ACAN: variants seen among roughly 807,000 people sequenced by gnomAD.
The protein encoded by ACAN is aggrecan, also known as aggrecan core protein.
ACAN carries 47 observed loss-of-function variants against 169.1 expected under a neutral mutation model. That is an observed-to-expected ratio of 0.28 (90% CI 0.22 to 0.35). The LOEUF is 0.35. ACAN is among the 10% of genes least tolerant of loss of function. The pLI, the probability that ACAN is intolerant of heterozygous loss-of-function variation, is 1.00. For synonymous variants in ACAN, 1,115 were observed against 1,112.2 expected (o/e 1.00, Z -0.05); for missense variants, 2,716 against 2,759.9 (o/e 0.98, Z 0.36).
At chr15:88,865,838 C>G (rs1052803413) in intron 13 of ACAN, among the ~76,000 whole-genome samples, 1 of 152,230 alleles carries the variant, frequency 6.6e-6, no homozygotes, top group Admixed American at 6.5e-5. Flanking sequence ...GATGAGACAG[C>G]ACAGGCCAAA....
Position 88,843,510 on chromosome 15 carries a change from C to A in ACAN, c.913C>A (p.Arg305Ser), listed in dbSNP as rs372895171. 3 of 1,612,440 alleles carry A rather than the reference C, an allele frequency of 1.9e-6. No individual in the cohort carries two copies. The highest frequency in any genetic ancestry group is 1.3e-5 in the African/African-American group (1 of 75,048). ...GTGCAGCGCCGGCTGGCTGGCCGAC[C>A]GCAGCGTGCGCTACCCCATCTCCAA... ...DMCSAGWLAD[R>S]SVRYPISKAR... The change falls in exon 6 of 19, where the codon CGC (arginine) becomes AGC (serine). Residue 305 changes from arginine (R) to serine (S), a missense_variant. Arg to Ser is a moderately radical substitution (Grantham distance 110). This residue lies in a region of ACAN where 1,283 missense variants were observed against 1,281.5 expected (regional missense o/e 1.00). Coordinates refer to ENST00000560601, the MANE Select transcript of ACAN (RefSeq NM_001369268.1). The surrounding 1 kb of genome is among the most constrained non-coding windows in gnomAD (Gnocchi z 4.0).
At chr15:88,806,437 C>T (rs1242617058) in intron 1 of ACAN, among the ~76,000 whole-genome samples, 1 of 151,880 alleles carries the variant, frequency 6.6e-6, no homozygotes, top group Non-Finnish European at 1.5e-5. Context: ...CTGCAACCTC[C>T]GCCTCCCAGG....
intron 13 of ACAN, 72 bp downstream of exon 13, chr15:88,860,511 C>T (rs1897173887): frequency 7.1e-7 from 1 of 1,401,398 alleles, no homozygotes; most frequent in Non-Finnish European, 9.9e-7. Context: ...CCAAAGGGTC[C>T]CCAGGTGGGA....
In ACAN at chr15:88,872,652, A is replaced by T. The variant is rs904641114; in HGVS notation, c.7303-229A>T. ...TGGGGGTTCTGAGCTCCTGAGAAGG[A>T]CCTGAGCCAAGCTGTGTGACTGATT... On this transcript the variant is annotated intron_variant, in intron 16 of 18. Coordinates refer to ENST00000560601, the MANE Select transcript of ACAN (RefSeq NM_001369268.1). The surrounding 1 kb of genome is among the most constrained non-coding windows in gnomAD (Gnocchi z 5.4). Among the ~76,000 whole-genome samples the T allele has an allele frequency of 2.7e-4, 41 of 152,064 alleles. No homozygotes were observed. The highest frequency in any genetic ancestry group is 9.9e-4 in the African/African-American group (41 of 41,406).
At chr15:88,823,227 C>T (rs1362650465) in intron 1 of ACAN, among the ~76,000 whole-genome samples, 1 of 152,194 alleles carries the variant, frequency 6.6e-6, no homozygotes, top group South Asian at 2.1e-4. Context: ...AAGATCCCTG[C>T]CCAGGAAAGG....
intron 11 of ACAN, among the ~76,000 whole-genome samples, chr15:88,853,736 TGATA>T (rs757862774): frequency 0.04 from 5,683 of 141,680 alleles, 199 homozygotes; most frequent in African/African-American, 0.096. Flanking sequence ...AATAGATAGA[TGATA>T]GATAGATAGA....
intron 1 of ACAN, among the ~76,000 whole-genome samples, chr15:88,806,113 A>T (rs1226694749): frequency 6.6e-6 from 1 of 152,190 alleles, no homozygotes; most frequent in East Asian, 1.9e-4. Context: ...AGCCTCCCAG[A>T]GGCTTCATTT....
chr15:88,813,934 C>T (rs1895879966), intron 1 of ACAN, among the ~76,000 whole-genome samples: 1 of 152,230 alleles, frequency 6.6e-6, no homozygotes, highest in Admixed American at 6.5e-5. Context: ...CCCTCCAGCT[C>T]CCTCTGGTCT....
chr15:88,874,118 C>A lies in ACAN; in HGVS notation c.7630+94C>A. 6.6e-7 allele frequency: 1 copy of A among 1,515,536 alleles called. No individual in the cohort carries two copies. Among genetic ancestry groups the A allele is most frequent in the Non-Finnish European group, 8.9e-7 (1 of 1,120,860 alleles). 93.9% of individuals were successfully genotyped at this position (1,515,536 alleles called of 1,614,324 possible). A position where few individuals can be genotyped will look rare whatever the true frequency, so the allele number is the denominator to read the frequency against. ...CCCTCTCCTGGGGACCCTACACCGT[C>A]CACAGGGTTGAGCAAGGGAAGGGAG... is the stretch of plus-strand genomic sequence containing the variant. On this transcript the variant is annotated intron_variant, in intron 18 of 18. Transcript: ENST00000560601. This position sits in a 1 kb window ranked among gnomAD's most constrained non-coding sequence, Gnocchi z 7.3.
rs371404599 is a variant in ACAN, at chr15:88,841,827, C to T, written c.717C>T (p.Asn239=). ...GVRTYGIRDT[N]ETYDVYCFAE... is the part of the protein sequence containing the mutation. ...GGACGTATGGCATCCGAGACACCAA[C>T]GAGACCTATGATGTGTACTGCTTCG... The change falls in exon 5 of 19, where the codon AAC becomes AAT. Residue 239 remains asparagine (N), a synonymous_variant. Transcript: ENST00000560601. The T allele has an allele frequency of 2.9e-5, 47 of 1,613,364 alleles. No homozygotes were observed. The highest frequency in any genetic ancestry group is 1.6e-4 in the Middle Eastern group (1 of 6,084).
chr15:88,848,146 T>C (rs1461013032), intron 9 of ACAN, 108 bp downstream of exon 9: 3 of 1,463,472 alleles, frequency 2.0e-6, no homozygotes, highest in Admixed American at 2.0e-5. Context: ...CCACCCCTGA[T>C]TCCACCCAGC....
In ACAN at chr15:88,858,620, C is replaced by G; in HGVS notation, c.6035C>G (p.Thr2012Ser). 1 of 1,613,940 alleles carries G rather than the reference C, an allele frequency of 6.2e-7. No homozygotes were observed. The highest frequency in any genetic ancestry group is 1.3e-5 in the African/African-American group (1 of 75,024). ...TTTAGTGGGGATTTTGCCAGCACCA[C>G]CAATGTAAGTGGAGAATCCTCTGTA... The part of the protein sequence containing the change: ...PYFSGDFAST[T>S]NVSGESSVAM... Residue 2012 changes from threonine (T) to serine (S), a missense_variant, in exon 12 of 19, where the codon ACC (threonine) becomes AGC (serine). Physicochemically the swap from Thr to Ser is moderately conservative, Grantham distance 58 (BLOSUM62 1). Transcript: ENST00000560601. The surrounding 1 kb of genome is among the most constrained non-coding windows in gnomAD (Gnocchi z 4.0).
chr15:88,839,154 C>A lies in ACAN; in HGVS notation c.454+108C>A. On this transcript the variant is annotated intron_variant, in intron 3 of 18. Coordinates refer to ENST00000560601, the MANE Select transcript of ACAN (RefSeq NM_001369268.1). The surrounding 1 kb of genome is among the most constrained non-coding windows in gnomAD (Gnocchi z 4.5). ...TGGCCTTCAAACCAGCTCCTCCACG[C>A]ACCTCAGCCAAGTTACTTAACTTCA... 7.1e-7 allele frequency: 1 copy of A among 1,410,098 alleles called. No individual in the cohort carries two copies. The highest frequency in any genetic ancestry group is 9.6e-7 in the Non-Finnish European group (1 of 1,042,456). 87.3% of individuals were successfully genotyped at this position (1,410,098 alleles called of 1,614,324 possible).
In ACAN at chr15:88,858,308, C is replaced by T; in HGVS notation, c.5723C>T (p.Ser1908Phe). 1 of 1,613,954 alleles carries T rather than the reference C, an allele frequency of 6.2e-7. No homozygotes were observed. The highest frequency in any genetic ancestry group is 8.5e-7 in the Non-Finnish European group (1 of 1,179,884). Residue 1908 changes from serine (S) to phenylalanine (F), a missense_variant, in exon 12 of 19, where the codon TCC becomes TTC. Around this residue, in one of 3 missense-constraint regions of ACAN, gnomAD observed 1,389 missense variants for 1,363.7 expected, o/e 1.02. Coordinates refer to ENST00000560601, the MANE Select transcript of ACAN (RefSeq NM_001369268.1). The surrounding 1 kb of genome is among the most constrained non-coding windows in gnomAD (Gnocchi z 4.0). ...GGCATAGCTGAGGTCAGTGGAGAATCCTCCAGAGCTGAGATTGGGAGCAGC... is the reference window on the plus strand; with the variant it reads ...GGCATAGCTGAGGTCAGTGGAGAATTCTCCAGAGCTGAGATTGGGAGCAGC... Reference protein sequence around the residue: ...PSGIAEVSGESSRAEIGSSLP... With the variant: ...PSGIAEVSGEFSRAEIGSSLP...
In ACAN at chr15:88,851,975, A is replaced by G; in HGVS notation, c.2208A>G (p.Pro736=). 1 of 1,612,324 alleles carries G rather than the reference A, an allele frequency of 6.2e-7. No homozygotes were observed. The highest frequency in any genetic ancestry group is 8.5e-7 in the Non-Finnish European group (1 of 1,179,216). The change falls in exon 11 of 19, where the codon CCA becomes CCG. Residue 736 remains proline, a synonymous_variant. Transcript: ENST00000560601. This position sits in a 1 kb window ranked among gnomAD's most constrained non-coding sequence, Gnocchi z 4.3. ...TTAILEFTTE[P]ENQTEWEPAY... Reference sequence around the variant, plus strand: ...CCATCCTAGAGTTCACCACCGAGCCAGAAAACCAGACAGAATGGGAACCAG... The same window carrying G: ...CCATCCTAGAGTTCACCACCGAGCCGGAAAACCAGACAGAATGGGAACCAG...
chr15:88,842,258 G>A (rs1896680080), intron 5 of ACAN, among the ~76,000 whole-genome samples: 1 of 152,072 alleles, frequency 6.6e-6, no homozygotes, highest in South Asian at 2.1e-4. Flanking sequence ...CACTACACCT[G>A]CAACAAAGCT....
intron 11 of ACAN, among the ~76,000 whole-genome samples, chr15:88,852,292 A>G: frequency 6.6e-6 from 1 of 152,196 alleles, no homozygotes; most frequent in Non-Finnish European, 1.5e-5. Context: ...TTTCCCTTGC[A>G]TGAACCCCCA....
At chr15:88,842,151 C>A (rs1596133788) in intron 5 of ACAN, among the ~76,000 whole-genome samples, 2 of 152,146 alleles carry the variant, frequency 1.3e-5, no homozygotes, top group African/African-American at 4.8e-5. Flanking sequence ...TGGGATTGCC[C>A]CTCCCAGCTG....
chr15:88,871,663 G>T lies in ACAN; in HGVS notation c.7219+123G>T. 1 of 1,315,822 alleles carries T rather than the reference G, an allele frequency of 7.6e-7. No homozygotes were observed. Among genetic ancestry groups the T allele is most frequent in the Non-Finnish European group, 1.0e-6 (1 of 976,056 alleles). 81.5% of individuals were successfully genotyped at this position (1,315,822 alleles called of 1,614,324 possible). ...TGCAGGACAGGGACCTGGGGGAGGGGGAACAGTGTTCCCACAGTCTGAGCT... is the reference window on the plus strand; with the variant it reads ...TGCAGGACAGGGACCTGGGGGAGGGTGAACAGTGTTCCCACAGTCTGAGCT... On this transcript the variant is annotated intron_variant, in intron 15 of 18. Transcript: ENST00000560601. The surrounding 1 kb of genome is among the most constrained non-coding windows in gnomAD (Gnocchi z 7.8).
Sources: allele counts gnomAD v4.1 joint callset (sites outside exome capture counted in the v4.1 genomes callset), GRCh38; gene constraint gnomAD v4.1.1; regional missense constraint gnomAD v4.1.1; non-coding constraint Gnocchi (gnomAD v3.1); transcripts MANE v1.5; gene names NCBI Gene and HGNC (gene_info 2026-07-23, HGNC 2026-07-21).